FMR1: variants seen among roughly 807,000 people sequenced by gnomAD.
FMR1 encodes the protein fragile X messenger ribonucleoprotein 1, also known as FMRP translational regulator 1.
Under a neutral mutation model 50.6 loss-of-function variants are expected in FMR1, and 13 were observed. That is an observed-to-expected ratio of 0.26 (90% CI 0.17 to 0.41). The LOEUF (loss-of-function observed/expected upper bound fraction) is 0.41, where lower values mean the gene tolerates loss of function less well. FMR1 is among the 10% of genes least tolerant of loss of function. The pLI, the probability that FMR1 is intolerant of heterozygous loss-of-function variation, is 1.00. For missense variants in FMR1, 316 were observed against 491.3 expected (o/e 0.64, Z 3.37); for synonymous variants, 138 against 164.1 (o/e 0.84, Z 1.22).
In FMR1 at chrX:147,941,848, G is replaced by A. The variant is rs25718; in HGVS notation, c.1275+1186G>A. ...TTTATTCTCAAGAATATCTTCTTTGGTTATCAGCAGCTGCCCTGTTGCCAT... is the reference window on the plus strand; with the variant it reads ...TTTATTCTCAAGAATATCTTCTTTGATTATCAGCAGCTGCCCTGTTGCCAT... On this transcript the variant is annotated intron_variant, in intron 13 of 16. Coordinates refer to ENST00000370475, the MANE Select transcript of FMR1 (RefSeq NM_002024.6). Among the ~76,000 whole-genome samples, 1,088 of 112,032 alleles carry A rather than the reference G, an allele frequency of 9.7e-3. 12 individuals are homozygous for A. The highest frequency in any genetic ancestry group is 0.034 in the African/African-American group (1,033 of 30,593).
At chrX:147,918,554 G>GTTTTTTTTTTTTT (rs2042989205) in intron 1 of FMR1, among the ~76,000 whole-genome samples, 1 of 18,739 alleles carries the variant, frequency 5.3e-5, no homozygotes, top group Non-Finnish European at 8.4e-5. Flanking sequence ...GCCTGCAAAA[G>GTTTTTTTTTTTTT]CTTTTTTTTT....
chrX:147,915,656 C>T (rs2042818834), intron 1 of FMR1, among the ~76,000 whole-genome samples: 1 of 111,664 alleles, frequency 9.0e-6, no homozygotes, highest in African/African-American at 3.3e-5. Flanking sequence ...TTTCTGATTT[C>T]TGCCCACTAT....
At chrX:147,944,133 ACC>A in intron 14 of FMR1, 1 of 752,804 alleles carries the variant, frequency 1.3e-6, no homozygotes, top group Non-Finnish European at 1.6e-6. Flanking sequence ...CTTGAACCTA[ACC>A]CCTAACCCCT....
chrX:147,943,541 T>C lies in FMR1; in HGVS notation c.1471+215T>C, dbSNP rs1385503006. On this transcript the variant is annotated intron_variant, in intron 14 of 16. Coordinates refer to ENST00000370475, the MANE Select transcript of FMR1 (RefSeq NM_002024.6). ...GGTGCAAGTTCTGTTCATGCTCTGA[T>C]TGGGGGTAAATCTGCAAAGCCCTTG... The C allele has an allele frequency of 2.4e-5, 10 of 422,094 alleles. No homozygotes were observed. The Admixed American group carries it at 2.5e-4, about 11-fold the overall frequency. 34.8% of individuals were successfully genotyped at this position (422,094 alleles called of 1,213,427 possible). A position where few individuals can be genotyped will look rare whatever the true frequency, so the allele number is the denominator to read the frequency against.
At chrX:147,941,171 A>G (rs1557180832) in intron 13 of FMR1, among the ~76,000 whole-genome samples, 1 of 111,988 alleles carries the variant, frequency 8.9e-6, no homozygotes, top group Non-Finnish European at 1.9e-5. Flanking sequence ...TGATGCGGTT[A>G]TGCCTCCTTA....
At chrX:147,938,219 C>A in intron 12 of FMR1, 58 bp downstream of exon 12, 1 of 935,687 alleles carries the variant, frequency 1.1e-6, no homozygotes, top group Non-Finnish European at 1.6e-6. Context: ...GTTTATTCCC[C>A]TTGTTAACAA....
chrX:147,924,243 T>G (rs1247817548), intron 2 of FMR1, among the ~76,000 whole-genome samples: 1 of 110,799 alleles, frequency 9.0e-6, no homozygotes, highest in Non-Finnish European at 1.9e-5. Flanking sequence ...TTCCACAAAT[T>G]CTGACTTAAT....
At chrX:147,925,489 C>T (rs2043355189) in intron 2 of FMR1, 51 bp from the exon 3 acceptor site, 1 of 920,510 alleles carries the variant, frequency 1.1e-6, no homozygotes, top group Non-Finnish European at 1.6e-6. Flanking sequence ...GTCATTATTT[C>T]AGTTAAACAT....
chrX:147,912,868 C>G (rs1164067025), intron 1 of FMR1: 1 of 292,568 alleles, frequency 3.4e-6, no homozygotes, highest in African/African-American at 2.8e-5. Context: ...GATTTTAGAT[C>G]CAAAAGTTTC....
chrX:147,944,324 A>T (rs782619701), intron 14 of FMR1: 44 of 753,529 alleles, frequency 5.8e-5, no homozygotes, highest in Non-Finnish European at 6.7e-5. Flanking sequence ...ACCAAACATC[A>T]GGCAAGCATG....
At chrX:147,933,812 C>A in intron 9 of FMR1, 2 of 164,805 alleles carry the variant, frequency 1.2e-5, no homozygotes, top group Non-Finnish European at 2.0e-5. Context: ...AGTTTCAATG[C>A]TAATTTAGCC....
At chrX:147,930,331 C>A in intron 7 of FMR1, 87 bp downstream of exon 7, 1 of 600,326 alleles carries the variant, frequency 1.7e-6, no homozygotes, top group South Asian at 2.2e-5. Context: ...GGGAGCTTGT[C>A]ATTTATTTAC....
rs782350674 is a variant in FMR1, at chrX:147,921,983, C to G, written c.102C>G (p.Asn34Lys). The G allele has an allele frequency of 9.5e-7, 1 of 1,053,719 alleles. No individual in the cohort carries two copies. The highest frequency in any genetic ancestry group is 1.8e-5 in the African/African-American group (1 of 54,869). The allele number at this position is 1,053,719 out of a possible 1,213,427, so 86.8% of individuals were successfully genotyped here. A position where few individuals can be genotyped will look rare whatever the true frequency, so the allele number is the denominator to read the frequency against. Residue 34 changes from asparagine (N) to lysine (K), a missense_variant and splice_region_variant, in exon 2 of 17, where the codon AAC (asparagine) becomes AAG (lysine). By Grantham distance (94) the Asn-to-Lys change is moderately conservative (BLOSUM62 0). This residue lies in a region of FMR1 where 124 missense variants were observed against 238.1 expected (regional missense o/e 0.52). Transcript: ENST00000370475. ...ATTCAATAACAGTTGCATTTGAAAA[C>G]AAGTAAGTGTCTCGTTATATAATTT... Reference protein sequence around the residue: ...HEDSITVAFENNWQPDRQIPF... With the variant: ...HEDSITVAFEKNWQPDRQIPF...
Position 147,940,558 on chromosome X carries a change from T to C in FMR1, c.1189-18T>C. 4.7e-6 allele frequency: 5 copies of C among 1,061,848 alleles called. No individual in the cohort carries two copies. The highest frequency in any genetic ancestry group is 6.6e-6 in the Non-Finnish European group (5 of 758,629). 87.5% of individuals were successfully genotyped at this position (1,061,848 alleles called of 1,213,427 possible). A position where few individuals can be genotyped will look rare whatever the true frequency, so the allele number is the denominator to read the frequency against. ...TATCATTACTTTTATAGGATCATTGTTGCAATTTCTTTTTCAGGGTATGGT... is the reference window on the plus strand; with the variant it reads ...TATCATTACTTTTATAGGATCATTGCTGCAATTTCTTTTTCAGGGTATGGT... On this transcript the variant is annotated intron_variant, in intron 12 of 16. Transcript: ENST00000370475.
chrX:147,912,069 C>CGGA lies in FMR1; in HGVS notation c.-109_-108insAGG, dbSNP rs1365398081. The CGGA allele has an allele frequency of 3.8e-6, 1 of 262,909 alleles. No individual in the cohort carries two copies. Among genetic ancestry groups the CGGA allele is most frequent in the Non-Finnish European group, 5.1e-6 (1 of 196,098 alleles). 21.7% of individuals were successfully genotyped at this position (262,909 alleles called of 1,213,427 possible). On this transcript the variant is annotated 5_prime_UTR_variant, in exon 1 of 17. Transcript: ENST00000370475. ...GGCAGCGCGGCGGCGGCGGCGGCGG[C>CGGA]GGCGGCGGCGGAGGCGGCGGCGGCG...
At chrX:147,943,408 A>T in intron 14 of FMR1, 82 bp downstream of exon 14, 1 of 875,658 alleles carries the variant, frequency 1.1e-6, no homozygotes, top group Non-Finnish European at 1.7e-6. Context: ...TTAGAACCCC[A>T]TTATAACAAT....
In FMR1 at chrX:147,931,237, T is replaced by C. The variant is rs782174937; in HGVS notation, c.630+993T>C. The stretch of plus-strand genomic sequence containing the variant: ...TTTGATTGTGAGTATTATGAAAATA[T>C]ACTCATATGCCTCTTAAACATCGAA... On this transcript the variant is annotated intron_variant, in intron 7 of 16. Transcript: ENST00000370475. Among the ~76,000 whole-genome samples, 15 of 111,908 alleles carry C rather than the reference T, an allele frequency of 1.3e-4. No homozygotes were observed. The South Asian group carries it at 5.5e-3, about 41-fold the overall frequency.
intron 2 of FMR1, among the ~76,000 whole-genome samples, chrX:147,924,467 TTGTGTGTGTGTGTG>T (rs3999731): frequency 2.2e-5 from 2 of 91,085 alleles, no homozygotes; most frequent in Admixed American, 2.6e-4. Flanking sequence ...AGTATTTTAT[TTGTGTGTGTGTGTG>T]TGTGTGTGTG....
Position 147,944,906 on chromosome X carries a change from A to G in FMR1, c.1509A>G (p.Glu503=), listed in dbSNP as rs372916945. The G allele has an allele frequency of 2.3e-5, 28 of 1,206,305 alleles. No homozygotes were observed. The highest frequency in any genetic ancestry group is 3.1e-5 in the Non-Finnish European group (28 of 894,080). The change falls in exon 15 of 17, where the codon GAA becomes GAG. Residue 503 remains glutamate (E), a synonymous_variant. Coordinates refer to ENST00000370475, the MANE Select transcript of FMR1 (RefSeq NM_002024.6). ...AAGCATCAAATGCTTCTGAAACAGA[A>G]TCTGACCACAGAGACGAACTCAGTG... ...NSEASNASET[E]SDHRDELSDW...
Sources: gnomAD v4.1 joint callset for allele counts (sites outside exome capture counted in the v4.1 genomes callset) on GRCh38, gnomAD v4.1.1 for gene constraint, gnomAD v4.1.1 regional missense constraint, MANE v1.5 for transcripts, NCBI Gene and HGNC (gene_info 2026-07-23, HGNC 2026-07-21) for gene names.